Variants in ARHGEF11 observed in about 807,000 individuals in gnomAD.
The protein encoded by ARHGEF11 is Rho guanine nucleotide exchange factor 11.
In ARHGEF11, 55 loss-of-function variants were observed where a neutral mutation model predicts 193.7. That is an observed-to-expected ratio of 0.28 (90% CI 0.23 to 0.36). ARHGEF11 has a LOEUF of 0.36. ARHGEF11 is among the 10% of genes least tolerant of loss of function. The pLI is 1.00. For synonymous variants in ARHGEF11, 693 were observed against 768.0 expected, an observed-to-expected ratio of 0.90 and a Z score of 1.62; for missense variants, 1,723 against 2,005.6, an observed-to-expected ratio of 0.86 and a Z score of 2.69.
At chr1:156,946,866 G>A in intron 27 of ARHGEF11, 70 bp downstream of exon 27, 3 of 1,518,238 alleles carry the variant, frequency 2.0e-6, no homozygotes, top group South Asian at 1.1e-5. Context: ...CAAATTCTCT[G>A]GCCTTGGGTA....
In ARHGEF11 at chr1:156,963,587, T is replaced by C. The variant is rs1326977021; in HGVS notation, c.971A>G (p.Asp324Gly). Residue 324 changes from aspartate (D) to glycine (G), a missense_variant, in exon 12 of 41, where the codon GAT (aspartate) becomes GGT (glycine). Around this residue, in one of 5 missense-constraint regions of ARHGEF11, gnomAD observed 646 missense variants for 710.7 expected, o/e 0.91. Transcript: ENST00000368194. ...AVPSTGDQGV[D>G]QSPKPLIIGP... The stretch of plus-strand genomic sequence containing the variant: ...AATAATTAAAGGCTTTGGGCTTTGA[T>C]CTACACCCTGGGGGAGAGAGTCAAA... The C allele has an allele frequency of 9.3e-6, 15 of 1,614,086 alleles. No individual in the cohort carries two copies. Among genetic ancestry groups the C allele is most frequent in the African/African-American group, 1.3e-5 (1 of 75,028 alleles).
At chr1:156,938,815 G>T in intron 37 of ARHGEF11, 1 of 400,110 alleles carries the variant, frequency 2.5e-6, no homozygotes, top group Non-Finnish European at 4.5e-6. Flanking sequence ...CCAGGGGAGG[G>T]CAGGCCCACT....
In ARHGEF11 at chr1:157,013,299, A is replaced by ACACACC. The variant is rs534893600; in HGVS notation, c.33-27127_33-27126insGGTGTG. Among the ~76,000 whole-genome samples, 373 of 148,724 alleles carry ACACACC rather than the reference A, an allele frequency of 2.5e-3. 7 individuals are homozygous for ACACACC. In the South Asian group the frequency reaches 0.031, roughly 13 times the overall value. On this transcript the variant is annotated intron_variant, in intron 1 of 40. Transcript: ENST00000368194. Reference sequence around the variant, plus strand: ...CACACACACACACACACACACACACACCAAGAACCTTCTCCGGTGGGTGGG... The same window carrying ACACACC: ...CACACACACACACACACACACACACACACACCCCAAGAACCTTCTCCGGTGGGTGGG...
At chr1:156,949,444 T>C (rs917402166) in intron 22 of ARHGEF11, among the ~76,000 whole-genome samples, 1 of 152,146 alleles carries the variant, frequency 6.6e-6, no homozygotes, top group African/African-American at 2.4e-5. Flanking sequence ...GGCCTGGAAA[T>C]GTCTGCAGAG....
rs1168533559 is a variant in ARHGEF11 at position 156,948,465 on chromosome 1, T to C, written c.1959A>G (p.Glu653=). Reference sequence around the variant, plus strand: ...TCATCTCTTCCCGGCCCTTGAGGCTTTCAGAGCGGCCCAGGCGAATCTCTG... The same window carrying C: ...TCATCTCTTCCCGGCCCTTGAGGCTCTCAGAGCGGCCCAGGCGAATCTCTG... ...SRSEIRLGRS[E]SLKGREEMKR... Residue 653 remains glutamate (E), a synonymous_variant, in exon 23 of 41, where the codon GAA becomes GAG. Coordinates refer to ENST00000368194, the MANE Select transcript of ARHGEF11 (RefSeq NM_198236.3). The surrounding 1 kb of genome is among the most constrained non-coding windows in gnomAD (Gnocchi z 4.2). The C allele has an allele frequency of 6.2e-7, 1 of 1,614,198 alleles. No individual in the cohort carries two copies. Among genetic ancestry groups the C allele is most frequent in the Non-Finnish European group, 8.5e-7 (1 of 1,180,020 alleles).
At chr1:157,036,352 T>C (rs1383953457) in intron 1 of ARHGEF11, among the ~76,000 whole-genome samples, 1 of 151,810 alleles carries the variant, frequency 6.6e-6, no homozygotes, top group Non-Finnish European at 1.5e-5. Context: ...GGCAGAGTCT[T>C]GCTCTGTCAC....
chr1:156,943,338 G>A (rs1657473813), intron 32 of ARHGEF11, among the ~76,000 whole-genome samples: 1 of 152,190 alleles, frequency 6.6e-6, no homozygotes, highest in Non-Finnish European at 1.5e-5. Context: ...TGGGATTACA[G>A]GCATGAGCCA....
Position 156,971,805 on chromosome 1 carries a change from C to T in ARHGEF11, c.594G>A (p.Glu198=), listed in dbSNP as rs1313165415. The stretch of plus-strand genomic sequence containing the variant: ...GGCTGGCGGGGTTCCGGCTATAGAC[C>T]TCACAGATACGCTAGGGATGGGTGA... ...QEEKELQRIC[E]VYSRNPASLL... The change falls in exon 8 of 41, where the codon GAG becomes GAA. Residue 198 remains glutamate (E), a synonymous_variant. Transcript: ENST00000368194. 3 of 1,613,220 alleles carry T rather than the reference C, an allele frequency of 1.9e-6. No homozygotes were observed. In the African/African-American group the frequency reaches 4.0e-5, roughly 22 times the overall value.
chr1:156,947,046 C>G (rs1175892225), intron 26 of ARHGEF11, 31 bp from the exon 27 acceptor site: 2 of 1,613,216 alleles, frequency 1.2e-6, no homozygotes, highest in Non-Finnish European at 1.7e-6. Context: ...ATAGAAATGC[C>G]TGGGGTTGAG....
intron 28 of ARHGEF11, 109 bp from the exon 29 acceptor site, chr1:156,946,271 G>A (rs1557834491): frequency 1.2e-6 from 1 of 843,860 alleles, no homozygotes. Flanking sequence ...CCTAACGCCA[G>A]ATGGATCACT....
chr1:157,005,344 G>C (rs1667699095), intron 1 of ARHGEF11, among the ~76,000 whole-genome samples: 1 of 152,180 alleles, frequency 6.6e-6, no homozygotes, highest in African/African-American at 2.4e-5. Flanking sequence ...GGGTTCCCTG[G>C]AATCACCTCT....
In ARHGEF11 at chr1:156,948,259, C is replaced by T; in HGVS notation, c.2106-31G>A. 1 of 1,603,082 alleles carries T rather than the reference C, an allele frequency of 6.2e-7. No homozygotes were observed. Among genetic ancestry groups the T allele is most frequent in the South Asian group, 1.1e-5 (1 of 90,236 alleles). On this transcript the variant is annotated intron_variant, in intron 23 of 40. Transcript: ENST00000368194. This position sits in a 1 kb window ranked among gnomAD's most constrained non-coding sequence, Gnocchi z 4.2. ...GAGGGAATGTCAACTCTCAGCAACC[C>T]TCTATCCTTGCCGCCACCCCTGAGA... is the stretch of plus-strand genomic sequence containing the variant.
rs191243635 is a variant in ARHGEF11, at chr1:157,005,956, T to C, written c.33-19783A>G. On this transcript the variant is annotated intron_variant, in intron 1 of 40. Coordinates refer to ENST00000368194, the MANE Select transcript of ARHGEF11 (RefSeq NM_198236.3). ...AAGAGTATATCTCCCATTTTTGAAA[T>C]TTTGCATTCTCCTCTGCTGGCCAGT... Among the ~76,000 whole-genome samples the C allele has an allele frequency of 1.9e-3, 288 of 152,354 alleles. 3 individuals are homozygous for C. The highest frequency in any genetic ancestry group is 3.4e-4 in the Non-Finnish European group (23 of 68,034).
intron 40 of ARHGEF11, among the ~76,000 whole-genome samples, chr1:156,936,490 A>AT (rs1557806716): frequency 1.7e-4 from 16 of 95,898 alleles, no homozygotes; most frequent in African/African-American, 2.7e-4. Flanking sequence ...GAAAAAAAAA[A>AT]AAAAAAAATA....
intron 30 of ARHGEF11, 50 bp downstream of exon 30, chr1:156,944,969 G>A (rs774734157): frequency 1.9e-6 from 3 of 1,591,964 alleles, no homozygotes; most frequent in East Asian, 4.5e-5. Context: ...CTGCTCCTAA[G>A]GGTACCCACA....
chr1:156,954,632 GC>G (rs560049389), intron 21 of ARHGEF11, among the ~76,000 whole-genome samples: 63 of 152,212 alleles, frequency 4.1e-4, no homozygotes, highest in Non-Finnish European at 8.2e-4. Context: ...AAGGGGCCTT[GC>G]CCCCTGGAAC....
At chr1:156,942,809 C>CTG in intron 32 of ARHGEF11, 29 bp from the exon 33 acceptor site, 1 of 1,598,330 alleles carries the variant, frequency 6.3e-7, no homozygotes. Flanking sequence ...GTAGAAGGGT[C>CTG]TGTACTAGGG....
At chr1:157,011,293 T>C (rs963321434) in intron 1 of ARHGEF11, among the ~76,000 whole-genome samples, 37 of 152,114 alleles carry the variant, frequency 2.4e-4, no homozygotes, top group African/African-American at 8.9e-4. Flanking sequence ...TGCAAAATAA[T>C]GAAGCTAGAC....
intron 11 of ARHGEF11, among the ~76,000 whole-genome samples, chr1:156,967,398 T>C (rs1661817551): frequency 6.6e-6 from 1 of 152,218 alleles, no homozygotes; most frequent in African/African-American, 2.4e-5. Flanking sequence ...CCCAGCTTCT[T>C]TGCAAGCTGT....
Sources: allele counts gnomAD v4.1 joint callset (sites outside exome capture counted in the v4.1 genomes callset), GRCh38; gene constraint gnomAD v4.1.1; regional missense constraint gnomAD v4.1.1; non-coding constraint Gnocchi (gnomAD v3.1); transcripts MANE v1.5; gene names NCBI Gene and HGNC (gene_info 2026-07-23, HGNC 2026-07-21).